Variants in ASTN1 observed in about 807,000 individuals in gnomAD.
The protein encoded by ASTN1 is astrotactin-1.
A neutral mutation model predicts 140.7 loss-of-function variants in ASTN1; 41 were observed. That is an observed-to-expected ratio of 0.29 (90% confidence interval 0.23 to 0.38). The LOEUF (loss-of-function observed/expected upper bound fraction) is 0.38, where lower values mean the gene tolerates loss of function less well. Ranked by LOEUF, ASTN1 falls within the 10% of genes least tolerant of loss-of-function variation. The probability of loss-of-function intolerance (pLI) is 1.00; values close to 1 mark genes in which losing one functional copy is unlikely to be tolerated. For synonymous variants in ASTN1, 640 were observed against 652.2 expected (o/e 0.98, Z 0.29); for missense variants, 1,479 against 1,678.8 (o/e 0.88, Z 2.08).
intron 8 of ASTN1, among the ~76,000 whole-genome samples, chr1:176,977,507 C>T (rs1173821478): frequency 6.6e-6 from 1 of 152,130 alleles, no homozygotes; most frequent in African/African-American, 2.4e-5. Flanking sequence ...GATAAAAGGC[C>T]GGGTCCTTGT....
Position 176,874,573 on chromosome 1 carries a change from A to G in ASTN1, c.3463+1964T>C, listed in dbSNP as rs374529297. Among the ~76,000 whole-genome samples, 19 of 152,276 alleles carry G rather than the reference A, an allele frequency of 1.2e-4. No individual in the cohort carries two copies. The East Asian group carries it at 3.3e-3, about 26-fold the overall frequency. On this transcript the variant is annotated intron_variant, in intron 21 of 22. Coordinates refer to ENST00000361833, the MANE Select transcript of ASTN1 (RefSeq NM_004319.3). ...TTATCACTTTACTTACTCCACTCTG[A>G]ATCTCAATTGCTGCATCTATAACAT...
intron 16 of ASTN1, among the ~76,000 whole-genome samples, chr1:176,918,593 A>G (rs908806162): frequency 2.6e-5 from 4 of 151,810 alleles, no homozygotes; most frequent in Non-Finnish European, 5.9e-5. Flanking sequence ...GCCCCACTCT[A>G]TTGCCAAGTT....
At chr1:177,119,548 A>C (rs1314034047) in intron 1 of ASTN1, among the ~76,000 whole-genome samples, 1 of 152,196 alleles carries the variant, frequency 6.6e-6, no homozygotes, top group East Asian at 1.9e-4. Flanking sequence ...AACTCAAAAG[A>C]AGCTGCAGAA....
chr1:176,959,822 C>A (rs1330483397), intron 9 of ASTN1, among the ~76,000 whole-genome samples: 1 of 152,162 alleles, frequency 6.6e-6, no homozygotes, highest in Non-Finnish European at 1.5e-5. Context: ...CTGCATTAAG[C>A]AGCATTGAAA....
At chr1:176,926,334 T>C (rs1440060521) in intron 16 of ASTN1, among the ~76,000 whole-genome samples, 1 of 150,036 alleles carries the variant, frequency 6.7e-6, no homozygotes, top group South Asian at 2.1e-4. Context: ...GTATTCTTAG[T>C]AACTTTCTCC....
chr1:177,159,072 A>T (rs1277914010), intron 1 of ASTN1, among the ~76,000 whole-genome samples: 2 of 111,984 alleles, frequency 1.8e-5, no homozygotes, highest in African/African-American at 1.3e-4. Flanking sequence ...ATCTCAAAAA[A>T]AAAAAAAAAA....
At chr1:177,140,168 A>G (rs905227042) in intron 1 of ASTN1, among the ~76,000 whole-genome samples, 5 of 152,218 alleles carry the variant, frequency 3.3e-5, no homozygotes, top group Non-Finnish European at 7.3e-5. Context: ...TGCTACAGGA[A>G]GTCAAATGCA....
chr1:176,994,600 C>A (rs1674353143), intron 8 of ASTN1, among the ~76,000 whole-genome samples: 1 of 152,132 alleles, frequency 6.6e-6, no homozygotes, highest in Non-Finnish European at 1.5e-5. Context: ...GCCTTGGCCT[C>A]CCAAAGTGCT....
chr1:177,132,235 ATC>A (rs1681976531), intron 1 of ASTN1, among the ~76,000 whole-genome samples: 1 of 152,202 alleles, frequency 6.6e-6, no homozygotes, highest in Non-Finnish European at 1.5e-5. Flanking sequence ...ACAAATAACA[ATC>A]TAATCAATTC....
chr1:176,892,075 G>A (rs1379442483), intron 17 of ASTN1, among the ~76,000 whole-genome samples: 1 of 152,118 alleles, frequency 6.6e-6, no homozygotes. Context: ...ATGTGTTTGG[G>A]GGGTAGAAAG....
At chr1:176,886,571 C>A (rs10913269) in intron 18 of ASTN1, among the ~76,000 whole-genome samples, 1 of 152,248 alleles carries the variant, frequency 6.6e-6, no homozygotes, top group Middle Eastern at 3.4e-3. Flanking sequence ...GTATCTACAG[C>A]CAAAGGCTGT....
intron 1 of ASTN1, among the ~76,000 whole-genome samples, chr1:177,152,442 T>C (rs949894556): frequency 1.3e-5 from 2 of 148,740 alleles, no homozygotes; most frequent in South Asian, 2.1e-4. Context: ...AATAAATAAA[T>C]AAAAAAGGAA....
At chr1:177,148,421 A>C (rs1282418568) in intron 1 of ASTN1, among the ~76,000 whole-genome samples, 1 of 151,596 alleles carries the variant, frequency 6.6e-6, no homozygotes, top group Non-Finnish European at 1.5e-5. Context: ...CCGTCTCAAA[A>C]AAAAAAAAAA....
chr1:176,928,731 G>A (rs1439966953), intron 16 of ASTN1, among the ~76,000 whole-genome samples: 1 of 152,208 alleles, frequency 6.6e-6, no homozygotes. Flanking sequence ...CTGACACTTG[G>A]CAGGGTATTA....
intron 18 of ASTN1, among the ~76,000 whole-genome samples, chr1:176,887,273 A>T: frequency 6.6e-6 from 1 of 152,150 alleles, no homozygotes; most frequent in East Asian, 1.9e-4. Flanking sequence ...CCACACACTC[A>T]ACTACCCCAT....
chr1:177,103,298 C>T (rs1239854622), intron 1 of ASTN1, among the ~76,000 whole-genome samples: 1 of 152,180 alleles, frequency 6.6e-6, no homozygotes, highest in African/African-American at 2.4e-5. Flanking sequence ...CTGAATAGAT[C>T]TAGAAGCCAG....
intron 2 of ASTN1, among the ~76,000 whole-genome samples, chr1:177,059,993 T>C (rs1357312052): frequency 6.6e-6 from 1 of 152,222 alleles, no homozygotes; most frequent in Non-Finnish European, 1.5e-5. Flanking sequence ...TATCAATACA[T>C]AAAATACCAA....
At chr1:177,016,027 A>C in intron 7 of ASTN1, among the ~76,000 whole-genome samples, 1 of 152,174 alleles carries the variant, frequency 6.6e-6, no homozygotes, top group East Asian at 1.9e-4. Context: ...CCAGAAAGAA[A>C]CACTTTAAGA....
chr1:176,878,184 G>A (rs1285090699), intron 20 of ASTN1, among the ~76,000 whole-genome samples: 1 of 152,180 alleles, frequency 6.6e-6, no homozygotes, highest in Non-Finnish European at 1.5e-5. Flanking sequence ...TCAGGACACA[G>A]CAGGTTGGGC....
Sources: allele counts gnomAD v4.1 joint callset (sites outside exome capture counted in the v4.1 genomes callset), GRCh38; gene constraint gnomAD v4.1.1; transcripts MANE v1.5; gene names NCBI Gene and HGNC (gene_info 2026-07-23, HGNC 2026-07-21).